Variants in GCNT4 observed in about 807,000 individuals in gnomAD.
GCNT4 encodes the protein beta-1,3-galactosyl-O-glycosyl-glycoprotein beta-1,6-N-acetylglucosaminyltransferase 4.
In GCNT4, 17 loss-of-function variants were observed where a neutral mutation model predicts 31.3. That is an observed-to-expected ratio of 0.54 (90% CI 0.37 to 0.81). The LOEUF is 0.81. Ranked by LOEUF, GCNT4 falls within the 40% of genes least tolerant of loss-of-function variation. The pLI, the probability that GCNT4 is intolerant of heterozygous loss-of-function variation, is 0.00. For missense variants in GCNT4, 503 were observed against 525.5 expected (o/e 0.96, Z 0.42); for synonymous variants, 158 against 190.6 (o/e 0.83, Z 1.41).
Position 75,028,875 on chromosome 5 carries a change from C to T in GCNT4, c.1163G>A (p.Arg388Gln), listed in dbSNP as rs1474294869. 3.1e-6 allele frequency: 5 copies of T among 1,614,000 alleles called. No individual in the cohort carries two copies. The highest frequency in any genetic ancestry group is 1.3e-5 in the African/African-American group (1 of 75,028). ...FYPSCTGSHL[R>Q]SVCIYGAAEL... The stretch of plus-strand genomic sequence containing the variant: ...TGCAGCTCCATAAATACACACGCTT[C>T]GAAGGTGAGATCCAGTACAACTGGG... The change falls in exon 4 of 4, where the codon CGA becomes CAA. Residue 388 changes from arginine (R) to glutamine (Q), a missense_variant. Physicochemically the swap from Arg to Gln is conservative, Grantham distance 43 (BLOSUM62 1). Transcript: ENST00000652361.
the GCNT4 span, among the ~76,000 whole-genome samples, chr5:75,019,415 G>A: frequency 3.3e-5 from 5 of 152,202 alleles, no homozygotes; most frequent in Non-Finnish European, 7.3e-5. Flanking sequence ...GACATTTGTG[G>A]AATAAAATAT....
At chr5:75,034,593 C>T (rs2149959436) in intron 3 of GCNT4, among the ~76,000 whole-genome samples, 1 of 152,324 alleles carries the variant, frequency 6.6e-6, no homozygotes, top group African/African-American at 2.4e-5. Context: ...AAATAATGCC[C>T]CACCCACGGG....
rs1191514813 is a variant in GCNT4 at position 75,029,105 on chromosome 5, A to T, written c.933T>A (p.Phe311Leu). ...GSAYFVLSQAFVKYIFNNSIV... is the reference protein window; with the variant it reads ...GSAYFVLSQALVKYIFNNSIV... ...TGGAGTTGTTGAAAATATATTTAAC[A>T]AATGCTTGACTTAAAACAAAATAAG... The change falls in exon 4 of 4, where the codon TTT becomes TTA. Residue 311 changes from phenylalanine (F) to leucine (L), a missense_variant. Coordinates refer to ENST00000652361, the MANE Select transcript of GCNT4 (RefSeq NM_001366737.1). 1.9e-6 allele frequency: 3 copies of T among 1,614,144 alleles called. No individual in the cohort carries two copies. The East Asian group carries it at 6.7e-5, about 36-fold the overall frequency.
chr5:75,031,348 A>G (rs772219861), intron 3 of GCNT4, among the ~76,000 whole-genome samples: 8 of 152,214 alleles, frequency 5.3e-5, no homozygotes, highest in Non-Finnish European at 1.0e-4. Flanking sequence ...CTGGGATTAC[A>G]GGCATGAGCC....
At position 75,043,651 on chromosome 5, in the gene GCNT4, G is replaced by A. The variant is rs73765656; in HGVS notation, c.-2+4246C>T. On this transcript the variant is annotated intron_variant, in intron 3 of 3. Transcript: ENST00000652361. Reference sequence around the variant, plus strand: ...GACCAAGAGAATATCAGAGACCTCAGCCCCCGTATCCTCAAGCCACTGAAC... The same window carrying A: ...GACCAAGAGAATATCAGAGACCTCAACCCCCGTATCCTCAAGCCACTGAAC... Among the ~76,000 whole-genome samples the A allele has an allele frequency of 7.0e-3, 1,058 of 152,144 alleles. 17 individuals carry two copies. The highest frequency in any genetic ancestry group is 0.025 in the African/African-American group (1,023 of 41,516).
intron 3 of GCNT4, among the ~76,000 whole-genome samples, chr5:75,039,649 G>A (rs925757983): frequency 6.6e-6 from 1 of 152,040 alleles, no homozygotes; most frequent in African/African-American, 2.4e-5. Flanking sequence ...CCAATCTCCT[G>A]GCAGTAGTAG....
At position 75,029,182 on chromosome 5, in the gene GCNT4, T is replaced by C; in HGVS notation, c.856A>G (p.Asn286Asp). Reference protein sequence around the residue: ...YEYVKLPIRTNISKEAPPHNI... With the variant: ...YEYVKLPIRTDISKEAPPHNI... Reference sequence around the variant, plus strand: ...TGGGGGGGTGCTTCCTTGGAGATGTTTGTCCTTATTGGTAGCTTCACATAT... The same window carrying C: ...TGGGGGGGTGCTTCCTTGGAGATGTCTGTCCTTATTGGTAGCTTCACATAT... The change falls in exon 4 of 4, where the codon AAC (asparagine) becomes GAC (aspartate). Residue 286 changes from asparagine (N) to aspartate (D), a missense_variant. Asn to Asp is a conservative substitution (Grantham distance 23, BLOSUM62 1). Coordinates refer to ENST00000652361, the MANE Select transcript of GCNT4 (RefSeq NM_001366737.1). The C allele has an allele frequency of 6.2e-7, 1 of 1,613,950 alleles. No homozygotes were observed. Among genetic ancestry groups the C allele is most frequent in the Non-Finnish European group, 8.5e-7 (1 of 1,180,022 alleles).
chr5:75,018,868 A>G, the GCNT4 span, among the ~76,000 whole-genome samples: 3 of 152,168 alleles, frequency 2.0e-5, no homozygotes, highest in African/African-American at 7.2e-5. Context: ...AAGCCAGGTC[A>G]GGGGAAGAGA....
intron 3 of GCNT4, among the ~76,000 whole-genome samples, chr5:75,041,593 A>G (rs1013294602): frequency 6.6e-6 from 1 of 152,222 alleles, no homozygotes; most frequent in African/African-American, 2.4e-5. Context: ...AGGACCTGTA[A>G]GATTACATGG....
intron 3 of GCNT4, among the ~76,000 whole-genome samples, chr5:75,045,768 A>G (rs938159606): frequency 1.2e-4 from 19 of 152,334 alleles, no homozygotes; most frequent in Admixed American, 1.0e-3. Context: ...GGAGAGATAC[A>G]ACTAGAAACT....
At chr5:75,030,947 T>C (rs2149954093) in intron 3 of GCNT4, 1 of 166,942 alleles carries the variant, frequency 6.0e-6, no homozygotes, top group Non-Finnish European at 1.5e-5. Context: ...GAGACCACTC[T>C]GCATGTACAT....
At chr5:75,053,055 C>T (rs1369464270), upstream of GCNT4, among the ~76,000 whole-genome samples, 2 of 151,990 alleles carry the variant, frequency 1.3e-5, no homozygotes, top group African/African-American at 2.4e-5. Context: ...CCCGCGAGCC[C>T]AGGAAGCCGG....
In GCNT4 at chr5:75,052,202, C is replaced by A. The variant is rs999848974; in HGVS notation, c.-176G>T. 4 of 148,056 alleles carry A rather than the reference C, an allele frequency of 2.7e-5. No homozygotes were observed. The highest frequency in any genetic ancestry group is 1.0e-4 in the African/African-American group (4 of 39,812). The allele number at this position is 148,056 out of a possible 1,614,324, so 9.2% of individuals were successfully genotyped here. ...ATTAAACGCATTATATTAGCCCCAA[C>A]TCTGTTAATCTTCTGGTTTGTTGTT... On this transcript the variant is annotated 5_prime_UTR_variant, in exon 2 of 4. Coordinates refer to ENST00000652361, the MANE Select transcript of GCNT4 (RefSeq NM_001366737.1).
chr5:75,019,450 A>C, the GCNT4 span, among the ~76,000 whole-genome samples: 86 of 152,366 alleles, frequency 5.6e-4, no homozygotes, highest in African/African-American at 2.0e-3. Flanking sequence ...CTGGCATATT[A>C]ATGCTCACCA....
chr5:75,030,999 A>C (rs998838267), intron 3 of GCNT4: 11 of 165,892 alleles, frequency 6.6e-5, no homozygotes, highest in Admixed American at 6.5e-4. Flanking sequence ...TGAAATAAAA[A>C]TAAGCAAAAT....
In GCNT4 at chr5:75,028,784, A is replaced by G. The variant is rs1226892830; in HGVS notation, c.1254T>C (p.Pro418=). 1 of 1,613,952 alleles carries G rather than the reference A, an allele frequency of 6.2e-7. No homozygotes were observed. The highest frequency in any genetic ancestry group is 1.3e-5 in the African/African-American group (1 of 74,950). The change falls in exon 4 of 4, where the codon CCT becomes CCC. Residue 418 remains proline (P), a synonymous_variant. Coordinates refer to ENST00000652361, the MANE Select transcript of GCNT4 (RefSeq NM_001366737.1). ...TTTCTGCCAAGCATTTAATCAAGAT[A>G]GGGTCCACCTTAGAATCAAATTTAT... ...FANKFDSKVD[P]ILIKCLAEKL...
chr5:75,036,761 GC>G (rs139838253), intron 3 of GCNT4, among the ~76,000 whole-genome samples: 3,832 of 152,266 alleles, frequency 0.025, 66 homozygotes, highest in Non-Finnish European at 0.037. Flanking sequence ...CAGTCTTCCA[GC>G]CCGTAGAATC....
intron 3 of GCNT4, among the ~76,000 whole-genome samples, chr5:75,041,264 G>A (rs1743311369): frequency 6.6e-6 from 1 of 150,738 alleles, no homozygotes. Context: ...CTCACCCAGG[G>A]CCTTTGCCAG....
chr5:75,042,119 A>G lies in GCNT4; in HGVS notation c.-2+5778T>C, dbSNP rs189978056. ...TGAATGCATTACATCTTTGCCTCTCAAGCTTTATCAAAGAGGTTTCATTCC... is the reference window on the plus strand; with the variant it reads ...TGAATGCATTACATCTTTGCCTCTCGAGCTTTATCAAAGAGGTTTCATTCC... On this transcript the variant is annotated intron_variant, in intron 3 of 3. Transcript: ENST00000652361. 1.5e-4 allele frequency among the ~76,000 whole-genome samples: 23 copies of G among 152,310 alleles called. 1 individual carries two copies. The highest frequency in any genetic ancestry group is 5.5e-4 in the African/African-American group (23 of 41,580).
Sources: allele counts gnomAD v4.1 joint callset (sites outside exome capture counted in the v4.1 genomes callset), GRCh38; gene constraint gnomAD v4.1.1; transcripts MANE v1.5; gene names NCBI Gene and HGNC (gene_info 2026-07-23, HGNC 2026-07-21).